LARGE1: variants seen among roughly 807,000 people sequenced by gnomAD.
LARGE1 encodes xylosyl- and glucuronyltransferase LARGE1.
A neutral mutation model predicts 87.6 loss-of-function variants in LARGE1; 43 were observed. The ratio of observed to expected loss-of-function variants is 0.49; its 90% CI spans 0.38 to 0.63. The LOEUF is 0.63. Ranked by LOEUF, LARGE1 falls within the 30% of genes least tolerant of loss-of-function variation. The probability of loss-of-function intolerance (pLI) is 0.00; values close to 1 mark genes in which losing one functional copy is unlikely to be tolerated. For missense variants in LARGE1, 802 were observed against 1,000.2 expected, an observed-to-expected ratio of 0.80 and a Z score of 2.67; for synonymous variants, 434 against 394.6, an observed-to-expected ratio of 1.10 and a Z score of -1.18.
intron 11 of LARGE1, among the ~76,000 whole-genome samples, chr22:33,310,382 G>T (rs141952641): frequency 6.6e-6 from 1 of 152,234 alleles, no homozygotes; most frequent in Non-Finnish European, 1.5e-5. Flanking sequence ...CAGAAGATAG[G>T]TGAACCCCTC....
chr22:33,211,191 A>G (rs1384201205), intron 11 of LARGE1, among the ~76,000 whole-genome samples: 2 of 152,332 alleles, frequency 1.3e-5, no homozygotes, highest in East Asian at 3.9e-4. Flanking sequence ...AACTTAATCT[A>G]TAAATGTTCT....
chr22:33,124,522 C>T, the LARGE1 span, among the ~76,000 whole-genome samples: 5 of 152,132 alleles, frequency 3.3e-5, no homozygotes, highest in Admixed American at 6.5e-5. Context: ...CACCATCTCT[C>T]GCTGTCTCAC....
chr22:33,720,435 T>C (rs1256887756), intron 2 of LARGE1, among the ~76,000 whole-genome samples: 2 of 152,282 alleles, frequency 1.3e-5, no homozygotes, highest in African/African-American at 4.8e-5. Context: ...CACGGACTGG[T>C]ACCAGGGGCT....
intron 6 of LARGE1, among the ~76,000 whole-genome samples, chr22:33,537,847 G>C (rs1053366979): frequency 8.6e-5 from 13 of 152,012 alleles, no homozygotes; most frequent in African/African-American, 3.1e-4. Flanking sequence ...CTGGGATTAC[G>C]GGCGTGAGCC....
chr22:33,725,749 T>C (rs1019104721), intron 2 of LARGE1: 1 of 152,190 alleles, frequency 6.6e-6, no homozygotes, highest in South Asian at 2.1e-4. Flanking sequence ...AGCTCTGCAG[T>C]ATATACAGTA....
intron 11 of LARGE1, among the ~76,000 whole-genome samples, chr22:33,236,579 A>T (rs745410667): frequency 2.0e-5 from 3 of 152,118 alleles, no homozygotes; most frequent in Non-Finnish European, 2.9e-5. Context: ...AAGTTTCATG[A>T]TTTTTTCCGC....
intron 6 of LARGE1, among the ~76,000 whole-genome samples, chr22:33,526,391 C>T (rs758925484): frequency 3.3e-5 from 5 of 152,196 alleles, no homozygotes; most frequent in African/African-American, 4.8e-5. Context: ...ATGGACCTTA[C>T]GTGGCTTGAG....
intron 7 of LARGE1, among the ~76,000 whole-genome samples, chr22:33,395,278 G>A (rs2065697306): frequency 6.7e-6 from 1 of 148,636 alleles, no homozygotes; most frequent in Non-Finnish European, 1.5e-5. Context: ...CCTGAGGACA[G>A]TCCTGTATGA....
chr22:33,534,467 G>C (rs5754592), intron 6 of LARGE1, among the ~76,000 whole-genome samples: 2 of 151,624 alleles, frequency 1.3e-5, no homozygotes, highest in Non-Finnish European at 2.9e-5. Context: ...CTGCATCCAC[G>C]AGTGAGGGTC....
In LARGE1 at chr22:33,187,837, T is replaced by C. The variant is rs1350919661; in HGVS notation, c.1731-21005A>G. Among the ~76,000 whole-genome samples, 33 of 136,500 alleles carry C rather than the reference T, an allele frequency of 2.4e-4. No individual in the cohort carries two copies. In the Admixed American group the frequency reaches 2.7e-3, roughly 11 times the overall value. 89.5% of individuals were successfully genotyped at this position (136,500 alleles called of 152,430 possible). ...CACTCGGGAGGCTGAGGCAGAAGAA[T>C]GGCGTAAACCCAGGAGGTGGAGTTT... On this transcript the variant is annotated intron_variant, in intron 11 of 11. Transcript: ENST00000608642.
chr22:33,537,623 A>G (rs938883140), intron 6 of LARGE1, among the ~76,000 whole-genome samples: 1 of 152,000 alleles, frequency 6.6e-6, no homozygotes, highest in African/African-American at 2.4e-5. Flanking sequence ...CTGGAGTGCA[A>G]TGGCGCAGTC....
chr22:33,501,676 T>G (rs563405460), intron 6 of LARGE1, among the ~76,000 whole-genome samples: 1 of 152,306 alleles, frequency 6.6e-6, no homozygotes, highest in African/African-American at 2.4e-5. Context: ...ACGCCAGGCC[T>G]GGCATCCAGA....
At chr22:33,743,342 G>A (rs1466237282) in intron 2 of LARGE1, 3 of 152,180 alleles carry the variant, frequency 2.0e-5, no homozygotes, top group African/African-American at 4.8e-5. Context: ...AATATGTCCT[G>A]AACCAGCCAT....
intron 6 of LARGE1, among the ~76,000 whole-genome samples, chr22:33,490,433 TA>T (rs113686705): frequency 0.022 from 3,293 of 152,322 alleles, 86 homozygotes; most frequent in African/African-American, 0.065. Context: ...ATAGTGCATG[TA>T]AAGTGTTTAG....
At chr22:33,592,027 G>T (rs2148922451) in intron 5 of LARGE1, among the ~76,000 whole-genome samples, 1 of 127,466 alleles carries the variant, frequency 7.8e-6, no homozygotes, top group Admixed American at 9.2e-5. Context: ...CCCAGAGAAA[G>T]AAAGAAAAGA....
At chr22:33,472,770 A>C (rs541599811) in intron 6 of LARGE1, among the ~76,000 whole-genome samples, 13 of 152,358 alleles carry the variant, frequency 8.5e-5, no homozygotes, top group Admixed American at 7.2e-4. Flanking sequence ...CAAAGCATCT[A>C]CCATGTAAAT....
rs375413469 is a variant in LARGE1, at chr22:33,177,752, C to A, written c.1731-10920G>T. On this transcript the variant is annotated intron_variant, in intron 11 of 11. Transcript: ENST00000608642. ...TGTGAAAAGGATCAACTCAGAATCACCCCGTCTCACTTGATATGGTTTGAC... is the reference window on the plus strand; with the variant it reads ...TGTGAAAAGGATCAACTCAGAATCAACCCGTCTCACTTGATATGGTTTGAC... Among the ~76,000 whole-genome samples, 30 of 152,284 alleles carry A rather than the reference C, an allele frequency of 2.0e-4. 1 individual carries two copies. Among genetic ancestry groups the A allele is most frequent in the Admixed American group, 1.7e-3 (26 of 15,284 alleles).
chr22:33,306,553 TC>T (rs1476430025), intron 11 of LARGE1, among the ~76,000 whole-genome samples: 2 of 151,940 alleles, frequency 1.3e-5, no homozygotes, highest in Admixed American at 6.6e-5. Context: ...ACAGTCCCTC[TC>T]CTAAGCTCAG....
Position 33,650,402 on chromosome 22 carries a change from C to G in LARGE1, c.373G>C (p.Glu125Gln). The G allele has an allele frequency of 6.2e-7, 1 of 1,614,120 alleles. No individual in the cohort carries two copies. Residue 125 changes from glutamate to glutamine, a missense_variant, in exon 3 of 15, where the codon GAG becomes CAG. By Grantham distance (29) the Glu-to-Gln change is conservative (BLOSUM62 2). Transcript: ENST00000397394. ...RAGIVAGNSS[E>Q]CGQQPVVEKC... ...TCCACGACCGGCTGCTGCCCACACTCGGAGCTGTTGCCTGCCACGATGCCA... is the reference window on the plus strand; with the variant it reads ...TCCACGACCGGCTGCTGCCCACACTGGGAGCTGTTGCCTGCCACGATGCCA...
Sources: allele counts gnomAD v4.1 joint callset (sites outside exome capture counted in the v4.1 genomes callset), GRCh38; gene constraint gnomAD v4.1.1; transcripts MANE v1.5; gene names NCBI Gene and HGNC (gene_info 2026-07-23, HGNC 2026-07-21).